The following LIMK2 variants were observed in gnomAD, a reference collection of about 807,000 sequenced individuals.
The protein encoded by LIMK2 is LIM domain kinase 2.
Under a neutral mutation model 75.7 loss-of-function variants are expected in LIMK2, and 35 were observed. The observed-to-expected ratio is 0.46, with a 90% CI of 0.35 to 0.61. The LOEUF (loss-of-function observed/expected upper bound fraction) is 0.61, where lower values mean the gene tolerates loss of function less well. LIMK2 is among the 20% of genes least tolerant of loss of function. LIMK2 has a pLI of 0.00. For synonymous variants in LIMK2, 301 were observed against 319.2 expected, an observed-to-expected ratio of 0.94 and a Z score of 0.61; for missense variants, 623 against 831.0, an observed-to-expected ratio of 0.75 and a Z score of 3.08.
intron 2 of LIMK2, among the ~76,000 whole-genome samples, chr22:31,232,802 G>C (rs905894936): frequency 5.3e-5 from 8 of 151,764 alleles, no homozygotes; most frequent in African/African-American, 1.7e-4. Context: ...GTCTTGCTCT[G>C]TTGCCCAGGC....
chr22:31,225,124 C>T (rs1489570692), intron 1 of LIMK2, among the ~76,000 whole-genome samples: 2 of 152,060 alleles, frequency 1.3e-5, no homozygotes, highest in Non-Finnish European at 2.9e-5. Flanking sequence ...CATCCCCCCG[C>T]CCCCCAACCC....
chr22:31,242,448 C>A (rs528216222), intron 2 of LIMK2, among the ~76,000 whole-genome samples: 1 of 152,330 alleles, frequency 6.6e-6, no homozygotes, highest in South Asian at 2.1e-4. Flanking sequence ...AGATATGGAA[C>A]ATTACACTTT....
chr22:31,275,627 AT>A, intron 15 of LIMK2: 1 of 240,194 alleles, frequency 4.2e-6, no homozygotes, highest in Non-Finnish European at 7.7e-6. Context: ...ATATCTACAC[AT>A]ATACTTTTTT....
intron 1 of LIMK2, among the ~76,000 whole-genome samples, chr22:31,220,581 TAATTA>T (rs1420074453): frequency 1.3e-5 from 2 of 152,192 alleles, no homozygotes; most frequent in African/African-American, 4.8e-5. Flanking sequence ...CAGTGAACTG[TAATTA>T]AATAACAAAT....
At chr22:31,236,512 G>C (rs2048576003) in intron 2 of LIMK2, among the ~76,000 whole-genome samples, 1 of 150,706 alleles carries the variant, frequency 6.6e-6, no homozygotes, top group Non-Finnish European at 1.5e-5. Flanking sequence ...AGGAGGCTGA[G>C]GCGAGAGGAT....
chr22:31,236,652 G>A (rs533093978), intron 2 of LIMK2, among the ~76,000 whole-genome samples: 70 of 148,902 alleles, frequency 4.7e-4, no homozygotes, highest in African/African-American at 1.4e-3. Flanking sequence ...GTTTGCTCAC[G>A]CCAGTAATCC....
At chr22:31,221,461 GC>G (rs958024885) in intron 1 of LIMK2, among the ~76,000 whole-genome samples, 5 of 151,880 alleles carry the variant, frequency 3.3e-5, no homozygotes, top group Non-Finnish European at 7.4e-5. Flanking sequence ...CGTACCACTT[GC>G]CCCAATTATA....
At chr22:31,216,252 G>A (rs1046509362) in intron 1 of LIMK2, among the ~76,000 whole-genome samples, 6 of 152,188 alleles carry the variant, frequency 3.9e-5, no homozygotes, top group African/African-American at 1.4e-4. Flanking sequence ...AGGTGGGGAA[G>A]ATGATATCTT....
chr22:31,272,369 C>T (rs2048967501), intron 12 of LIMK2, 161 bp from the exon 13 acceptor site: 8 of 598,310 alleles, frequency 1.3e-5, no homozygotes, highest in East Asian at 6.4e-5. Flanking sequence ...GCCACCGTGC[C>T]TGGCCTGAGT....
intron 2 of LIMK2, among the ~76,000 whole-genome samples, chr22:31,232,387 TAAAA>T (rs2048537073): frequency 6.6e-6 from 1 of 152,106 alleles, no homozygotes; most frequent in Non-Finnish European, 1.5e-5. Flanking sequence ...TAAAATGTCA[TAAAA>T]GAAATCCATC....
At chr22:31,217,526 C>A (rs1366074374) in intron 1 of LIMK2, among the ~76,000 whole-genome samples, 1 of 152,306 alleles carries the variant, frequency 6.6e-6, no homozygotes, top group South Asian at 2.1e-4. Context: ...TAAGACTAGT[C>A]CTGATCTCAT....
chr22:31,238,920 C>G (rs2048601976), intron 2 of LIMK2, among the ~76,000 whole-genome samples: 1 of 152,130 alleles, frequency 6.6e-6, no homozygotes, highest in South Asian at 2.1e-4. Flanking sequence ...GAAGGATGTC[C>G]CTGTCAACAC....
chr22:31,233,276 C>A (rs1207065463), intron 2 of LIMK2, among the ~76,000 whole-genome samples: 1 of 152,318 alleles, frequency 6.6e-6, no homozygotes, highest in Non-Finnish European at 1.5e-5. Flanking sequence ...ACATTAAATT[C>A]AATCATGTAT....
At chr22:31,234,260 C>T (rs1415051159) in intron 2 of LIMK2, among the ~76,000 whole-genome samples, 3 of 150,992 alleles carry the variant, frequency 2.0e-5, no homozygotes, top group Admixed American at 2.0e-4. Context: ...GATCCACCTG[C>T]CTCGGCCTCC....
intron 1 of LIMK2, among the ~76,000 whole-genome samples, chr22:31,223,270 T>TG (rs1199883875): frequency 1.3e-5 from 2 of 152,288 alleles, no homozygotes; most frequent in East Asian, 3.9e-4. Context: ...TGAATGTCTT[T>TG]GGGTTTCTCA....
At position 31,278,488 on chromosome 22, in the gene LIMK2, C is replaced by T. The variant is rs777530621; in HGVS notation, c.*47C>T. The T allele has an allele frequency of 2.0e-6, 3 of 1,536,392 alleles. No individual in the cohort carries two copies. On this transcript the variant is annotated 3_prime_UTR_variant, in exon 16 of 16. Transcript: ENST00000331728. ...GGGGGTGTTCTACAGCCAGCATTGC[C>T]CCTCTGTGCCCCATTCCTGCTGTGA...
chr22:31,231,727 A>G (rs920027231), intron 2 of LIMK2, among the ~76,000 whole-genome samples: 2 of 152,206 alleles, frequency 1.3e-5, no homozygotes, highest in African/African-American at 4.8e-5. Context: ...ATGGAGAGAG[A>G]TGAGGCCAGA....
chr22:31,276,739 C>T (rs750517302), intron 15 of LIMK2: 370 of 1,528,580 alleles, frequency 2.4e-4, no homozygotes, highest in Non-Finnish European at 3.1e-4. Flanking sequence ...GCCCCGGCCC[C>T]GGCCCCCAGG....
chr22:31,268,746 T>C (rs2048923137), intron 11 of LIMK2, among the ~76,000 whole-genome samples: 1 of 152,168 alleles, frequency 6.6e-6, no homozygotes, highest in South Asian at 2.1e-4. Context: ...CTCTATATGC[T>C]AGGCACTGGG....
Sources: allele counts gnomAD v4.1 joint callset (sites outside exome capture counted in the v4.1 genomes callset), GRCh38; gene constraint gnomAD v4.1.1; transcripts MANE v1.5; gene names NCBI Gene and HGNC (gene_info 2026-07-23, HGNC 2026-07-21).